Variants in AXL observed in about 807,000 individuals in gnomAD.
AXL encodes the protein AXL receptor tyrosine kinase, also known as tyrosine-protein kinase receptor UFO.
In AXL, 52 loss-of-function variants were observed where a neutral mutation model predicts 104.5. That is an observed-to-expected ratio of 0.50 (90% CI 0.40 to 0.63). The LOEUF (loss-of-function observed/expected upper bound fraction) is 0.63. Ranked by LOEUF, AXL falls within the 20% of genes least tolerant of loss-of-function variation. The probability of loss-of-function intolerance (pLI) is 0.00; values close to 1 mark genes in which losing one functional copy is unlikely to be tolerated. For missense variants in AXL, 1,024 were observed against 1,188.5 expected, an observed-to-expected ratio of 0.86 and a Z score of 2.04; for synonymous variants, 455 against 473.7, an observed-to-expected ratio of 0.96 and a Z score of 0.51.
intron 4 of AXL, among the ~76,000 whole-genome samples, chr19:41,224,745 T>C (rs1354084024): frequency 6.6e-6 from 1 of 152,168 alleles, no homozygotes; most frequent in Non-Finnish European, 1.5e-5. Flanking sequence ...TGTGTGTATA[T>C]GTCACAGGGT....
At position 41,259,149 on chromosome 19, in the gene AXL, G is replaced by C. The variant is rs529264689; in HGVS notation, c.2334-404G>C. On this transcript the variant is annotated intron_variant, in intron 19 of 19. Coordinates refer to ENST00000301178, the MANE Select transcript of AXL (RefSeq NM_021913.5). ...AAGCAAGTCACTAAGTCCTGCCCAT[G>C]CTCAAGAGGAGAGGATTTATTCTCC... is the stretch of plus-strand genomic sequence containing the variant. Among the ~76,000 whole-genome samples, 3 of 152,318 alleles carry C rather than the reference G, an allele frequency of 2.0e-5. No homozygotes were observed. The East Asian group carries it at 5.8e-4, about 29-fold the overall frequency.
At chr19:41,223,393 C>A (rs946520397) in intron 4 of AXL, among the ~76,000 whole-genome samples, 1 of 152,158 alleles carries the variant, frequency 6.6e-6, no homozygotes, top group African/African-American at 2.4e-5. Context: ...ACCATGCAGA[C>A]GAGGAAGGAC....
In AXL at chr19:41,222,066, G is replaced by A. The variant is rs1325019582; in HGVS notation, c.586+10G>A. 3.3e-6 allele frequency: 5 copies of A among 1,538,350 alleles called. No individual in the cohort carries two copies. The highest frequency in any genetic ancestry group is 4.4e-6 in the Non-Finnish European group (5 of 1,146,830). On this transcript the variant is annotated intron_variant, in intron 4 of 19. Coordinates refer to ENST00000301178, the MANE Select transcript of AXL (RefSeq NM_021913.5). ...AGCCTGCATGTTCCAGGTGAGTCCG[G>A]GGATGTGGGTCAGCTCCGAATAGGG...
chr19:41,235,223 T>C (rs909661342), intron 6 of AXL, among the ~76,000 whole-genome samples: 2 of 152,014 alleles, frequency 1.3e-5, no homozygotes, highest in African/African-American at 4.8e-5. Context: ...TGGTGGTGCA[T>C]GCCTGTAATC....
chr19:41,241,006 C>T (rs955984169), intron 10 of AXL, among the ~76,000 whole-genome samples: 1 of 152,068 alleles, frequency 6.6e-6, no homozygotes, highest in African/African-American at 2.4e-5. Context: ...GCCCTTTTTA[C>T]ACCCCCTTTC....
intron 4 of AXL, among the ~76,000 whole-genome samples, chr19:41,224,547 T>G (rs530787213): frequency 1.4e-3 from 206 of 152,178 alleles, no homozygotes; most frequent in East Asian, 5.8e-4. Context: ...CATACCCAGA[T>G]AGTTTTTGAA....
intron 14 of AXL, among the ~76,000 whole-genome samples, chr19:41,252,105 T>C (rs1300991517): frequency 1.5e-5 from 2 of 129,914 alleles, no homozygotes; most frequent in African/African-American, 3.0e-5. Flanking sequence ...AGAGTGAGAC[T>C]CCATCTAAAA....
At chr19:41,226,034 T>G (rs905667452) in intron 4 of AXL, among the ~76,000 whole-genome samples, 3 of 152,208 alleles carry the variant, frequency 2.0e-5, no homozygotes, top group Non-Finnish European at 4.4e-5. Context: ...CCTGTCGTCT[T>G]GCGGTAAAGC....
intron 4 of AXL, among the ~76,000 whole-genome samples, chr19:41,228,363 G>A (rs2033918879): frequency 6.6e-6 from 1 of 152,016 alleles, no homozygotes; most frequent in South Asian, 2.1e-4. Context: ...GACCAGCCTG[G>A]CCAACATGGT....
intron 16 of AXL, among the ~76,000 whole-genome samples, chr19:41,253,293 C>G (rs1162927244): frequency 2.0e-5 from 3 of 151,918 alleles, no homozygotes; most frequent in African/African-American, 4.8e-5. Context: ...GGGCAGGAAG[C>G]GACCCCAACA....
At chr19:41,239,749 T>C in intron 10 of AXL, 29 bp downstream of exon 10, 3 of 1,613,714 alleles carry the variant, frequency 1.9e-6, no homozygotes, top group Admixed American at 1.7e-5. Context: ...CATCTCCTCC[T>C]TCCCTACCCT....
intron 4 of AXL, among the ~76,000 whole-genome samples, chr19:41,226,445 G>A (rs1309652569): frequency 6.6e-6 from 1 of 152,210 alleles, no homozygotes; most frequent in Non-Finnish European, 1.5e-5. Context: ...GGAGGCTGCG[G>A]GAGCGGGCAC....
At chr19:41,257,429 C>CCTGG in intron 18 of AXL, 64 bp from the exon 19 acceptor site, 5 of 1,603,856 alleles carry the variant, frequency 3.1e-6, no homozygotes, top group East Asian at 4.5e-5. Flanking sequence ...TACCCATGAA[C>CCTGG]CTGGGTATTG....
At chr19:41,251,349 G>A (rs1314632077) in intron 14 of AXL, among the ~76,000 whole-genome samples, 1 of 151,930 alleles carries the variant, frequency 6.6e-6, no homozygotes, top group East Asian at 1.9e-4. Flanking sequence ...ATCACTTGAG[G>A]TGGGGAGTTT....
At chr19:41,224,645 A>G (rs113083394) in intron 4 of AXL, among the ~76,000 whole-genome samples, 8 of 151,952 alleles carry the variant, frequency 5.3e-5, no homozygotes, top group Non-Finnish European at 1.2e-4. Flanking sequence ...CGGCCTCCCA[A>G]AGTGTTGGGA....
intron 16 of AXL, among the ~76,000 whole-genome samples, 194 bp from the exon 17 acceptor site, chr19:41,253,405 A>G (rs1343923432): frequency 1.3e-5 from 2 of 152,148 alleles, no homozygotes; most frequent in Non-Finnish European, 2.9e-5. Flanking sequence ...GCAAGAACAT[A>G]GGCAATCAAG....
At position 41,221,481 on chromosome 19, in the gene AXL, G is replaced by A. The variant is rs1421259184; in HGVS notation, c.409+235G>A. On this transcript the variant is annotated intron_variant, in intron 3 of 19. Transcript: ENST00000301178. ...ATGTTCTGGGTGAAAAGACTTCTTG[G>A]GGGTAGTTGGATGTCCTAGGCATCA... The A allele has an allele frequency of 2.3e-5, 12 of 524,356 alleles. No homozygotes were observed. The Admixed American group carries it at 4.4e-4, about 19-fold the overall frequency. 32.5% of individuals were successfully genotyped at this position (524,356 alleles called of 1,614,324 possible). A position where few individuals can be genotyped will look rare whatever the true frequency, so the allele number is the denominator to read the frequency against.
chr19:41,233,740 C>T (rs1252566329), intron 6 of AXL, among the ~76,000 whole-genome samples: 1 of 150,104 alleles, frequency 6.7e-6, no homozygotes, highest in Non-Finnish European at 1.5e-5. Context: ...CCATCCTCCT[C>T]CCCTCCCCGG....
intron 12 of AXL, among the ~76,000 whole-genome samples, chr19:41,247,798 T>C (rs2034295283): frequency 1.3e-5 from 2 of 152,100 alleles, no homozygotes; most frequent in African/African-American, 4.8e-5. Context: ...TTGCCCAGGC[T>C]GGTTTTGAAT....
Sources: allele counts gnomAD v4.1 joint callset (sites outside exome capture counted in the v4.1 genomes callset), GRCh38; gene constraint gnomAD v4.1.1; transcripts MANE v1.5; gene names NCBI Gene and HGNC (gene_info 2026-07-23, HGNC 2026-07-21).